FOXP2: variants seen among roughly 807,000 people sequenced by gnomAD.
FOXP2 encodes forkhead box P2, also known as forkhead box protein P2.
Under a neutral mutation model 115.8 loss-of-function variants are expected in FOXP2, and 12 were observed. The ratio of observed to expected loss-of-function variants is 0.10; its 90% CI spans 0.07 to 0.17. The LOEUF is 0.17. Ranked by LOEUF, FOXP2 falls within the 10% of genes least tolerant of loss-of-function variation. The pLI is 1.00. For synonymous variants in FOXP2, 328 were observed against 297.7 expected (o/e 1.10, Z -1.05); for missense variants, 629 against 843.5 (o/e 0.75, Z 3.15).
At chr7:114,645,245 G>T (rs1299746167) in intron 8 of FOXP2, 2 of 138,540 alleles carry the variant, frequency 1.4e-5, no homozygotes, top group African/African-American at 5.3e-5. Context: ...TAAAATAGTA[G>T]TATTTAGTAT....
intron 1 of FOXP2, among the ~76,000 whole-genome samples, chr7:114,177,684 G>A (rs893892498): frequency 6.6e-6 from 1 of 151,402 alleles, no homozygotes; most frequent in African/African-American, 2.4e-5. Context: ...TTTTTTATTG[G>A]CAAGTACAGA....
intron 1 of FOXP2, among the ~76,000 whole-genome samples, chr7:114,211,966 G>A (rs1393317268): frequency 6.6e-6 from 1 of 151,888 alleles, no homozygotes; most frequent in East Asian, 1.9e-4. Context: ...CCAGCTACTC[G>A]GGAGGCTGAG....
chr7:114,418,329 G>A (rs1793445290), intron 1 of FOXP2, among the ~76,000 whole-genome samples: 2 of 151,852 alleles, frequency 1.3e-5, no homozygotes. Flanking sequence ...ACATAAATCA[G>A]CCCTCCAACA....
At chr7:114,232,143 AAAACTCAC>A (rs1353248010) in intron 1 of FOXP2, among the ~76,000 whole-genome samples, 1 of 152,190 alleles carries the variant, frequency 6.6e-6, no homozygotes, top group Non-Finnish European at 1.5e-5. Context: ...AAATGCAAGT[AAAACTCAC>A]AAAGAAATAC....
At chr7:114,581,084 C>T (rs1224263687) in intron 3 of FOXP2, among the ~76,000 whole-genome samples, 1 of 151,144 alleles carries the variant, frequency 6.6e-6, no homozygotes, top group African/African-American at 2.4e-5. Flanking sequence ...TGCACACACA[C>T]ACACACACAC....
chr7:114,437,237 T>C (rs892358544), intron 2 of FOXP2, among the ~76,000 whole-genome samples: 22 of 152,130 alleles, frequency 1.4e-4, no homozygotes, highest in African/African-American at 5.3e-4. Flanking sequence ...TAAGTGTTTC[T>C]TTATTTTCAT....
chr7:114,211,702 T>C (rs1402880253), intron 1 of FOXP2, among the ~76,000 whole-genome samples: 1 of 152,216 alleles, frequency 6.6e-6, no homozygotes, highest in African/African-American at 2.4e-5. Flanking sequence ...ATGTTTATAC[T>C]GTGATTTCAT....
At chr7:114,400,541 G>A (rs752620309) in intron 2 of FOXP2, among the ~76,000 whole-genome samples, 6 of 152,078 alleles carry the variant, frequency 3.9e-5, no homozygotes, top group Non-Finnish European at 7.4e-5. Context: ...TATAGGCAGC[G>A]GTCCCCAATC....
intron 11 of FOXP2, among the ~76,000 whole-genome samples, chr7:114,658,921 T>C (rs1417182972): frequency 6.6e-6 from 1 of 152,192 alleles, no homozygotes; most frequent in Non-Finnish European, 1.5e-5. Flanking sequence ...AAAGTGAAGT[T>C]ATTTTCAACA....
intron 14 of FOXP2, among the ~76,000 whole-genome samples, chr7:114,662,848 T>C (rs1005957): frequency 0.02 from 3,098 of 152,220 alleles, 80 homozygotes; most frequent in African/African-American, 0.062. Flanking sequence ...ATTTTGTGCT[T>C]AATTAACTCC....
intron 1 of FOXP2, among the ~76,000 whole-genome samples, chr7:114,121,271 G>A (rs1358569076): frequency 6.6e-6 from 1 of 151,936 alleles, no homozygotes; most frequent in Non-Finnish European, 1.5e-5. Context: ...GAAGATGGCC[G>A]TCTGTAGCAC....
intron 3 of FOXP2, among the ~76,000 whole-genome samples, chr7:114,623,120 A>AT (rs1804343137): frequency 6.6e-6 from 1 of 151,896 alleles, no homozygotes; most frequent in Non-Finnish European, 1.5e-5. Context: ...AGTATTATTG[A>AT]TTTTGTTTGT....
At chr7:114,147,765 T>C (rs1792415772) in intron 1 of FOXP2, among the ~76,000 whole-genome samples, 1 of 152,182 alleles carries the variant, frequency 6.6e-6, no homozygotes, top group Non-Finnish European at 1.5e-5. Context: ...TCCCTGGCTT[T>C]TCTGCCTGCA....
chr7:114,416,960 A>G (rs1036444779), intron 1 of FOXP2, among the ~76,000 whole-genome samples: 1 of 151,992 alleles, frequency 6.6e-6, no homozygotes, highest in Admixed American at 6.6e-5. Context: ...TTTAAAGATC[A>G]CTAAAATTAT....
chr7:114,673,791 G>A (rs570632343), intron 16 of FOXP2, among the ~76,000 whole-genome samples: 31 of 152,034 alleles, frequency 2.0e-4, no homozygotes, highest in Middle Eastern at 3.4e-3. Flanking sequence ...CCTCTGCCTC[G>A]CAGGTTCAAG....
intron 3 of FOXP2, among the ~76,000 whole-genome samples, chr7:114,558,946 CTGTT>C (rs1174747403): frequency 6.6e-6 from 1 of 152,198 alleles, no homozygotes; most frequent in East Asian, 1.9e-4. Context: ...TACATTAAAT[CTGTT>C]TGTTTTGTCT....
At chr7:114,408,550 A>C (rs1018277891) in intron 2 of FOXP2, among the ~76,000 whole-genome samples, 1 of 152,052 alleles carries the variant, frequency 6.6e-6, no homozygotes, top group Admixed American at 6.6e-5. Context: ...AATATGGTGA[A>C]ACCCTGTCTC....
At chr7:114,148,170 G>C (rs141248883) in intron 1 of FOXP2, among the ~76,000 whole-genome samples, 1 of 151,942 alleles carries the variant, frequency 6.6e-6, no homozygotes, top group African/African-American at 2.4e-5. Flanking sequence ...TGTGAATTGC[G>C]GGGATTGGGG....
At chr7:114,418,744 A>G (rs1037146117) in intron 1 of FOXP2, among the ~76,000 whole-genome samples, 2 of 151,758 alleles carry the variant, frequency 1.3e-5, no homozygotes, top group East Asian at 3.9e-4. Flanking sequence ...CAAAGGATTC[A>G]GGCGTATATC....
Sources: gnomAD v4.1 joint callset for allele counts (sites outside exome capture counted in the v4.1 genomes callset) on GRCh38, gnomAD v4.1.1 for gene constraint, MANE v1.5 for transcripts, NCBI Gene and HGNC (gene_info 2026-07-23, HGNC 2026-07-21) for gene names.